The following FRYL variants were observed in gnomAD, a reference collection of about 807,000 sequenced individuals.
The protein encoded by FRYL is protein furry homolog-like.
Under a neutral mutation model 351.2 loss-of-function variants are expected in FRYL, and 150 were observed. That is an observed-to-expected ratio of 0.43 (90% confidence interval 0.37 to 0.49). The LOEUF is 0.49. FRYL is among the 20% of genes least tolerant of loss of function. The pLI, the probability that FRYL is intolerant of heterozygous loss-of-function variation, is 0.00. For synonymous variants in FRYL, 1,153 were observed against 1,257.1 expected, an observed-to-expected ratio of 0.92 and a Z score of 1.75; for missense variants, 3,036 against 3,619.3, an observed-to-expected ratio of 0.84 and a Z score of 4.13.
intron 48 of FRYL, 41 bp downstream of exon 48, chr4:48,535,612 CACAT>C (rs749316498): frequency 1.6e-5 from 20 of 1,213,974 alleles, no homozygotes; most frequent in Admixed American, 4.9e-5. Context: ...CACACACACA[CACAT>C]ATATATATAG....
intron 56 of FRYL, among the ~76,000 whole-genome samples, chr4:48,513,903 T>C (rs1455578779): frequency 6.6e-6 from 1 of 152,208 alleles, no homozygotes; most frequent in Admixed American, 6.5e-5. Context: ...GAAAGCCAAA[T>C]AGCTGAATAA....
intron 3 of FRYL, among the ~76,000 whole-genome samples, chr4:48,639,349 A>G (rs1235121431): frequency 1.3e-5 from 2 of 152,116 alleles, no homozygotes; most frequent in Non-Finnish European, 2.9e-5. Context: ...TAACTGATCA[A>G]TGGTATAGAA....
At chr4:48,663,668 G>A (rs1240312616) in intron 3 of FRYL, among the ~76,000 whole-genome samples, 2 of 151,056 alleles carry the variant, frequency 1.3e-5, no homozygotes, top group Non-Finnish European at 1.5e-5. Flanking sequence ...CCAGCTACTC[G>A]GGAGGCTGAG....
At chr4:48,751,815 T>A (rs1254169722) in intron 1 of FRYL, among the ~76,000 whole-genome samples, 1 of 150,112 alleles carries the variant, frequency 6.7e-6, no homozygotes, top group Non-Finnish European at 1.5e-5. Context: ...CCTTCCTCCC[T>A]TATGCCTTGC....
intron 19 of FRYL, among the ~76,000 whole-genome samples, chr4:48,583,615 A>T (rs1163527723): frequency 6.6e-6 from 1 of 152,126 alleles, no homozygotes; most frequent in Non-Finnish European, 1.5e-5. Flanking sequence ...GAAAAAAAAA[A>T]AATAAGGCTG....
chr4:48,601,066 T>A (rs1428891759), intron 13 of FRYL, among the ~76,000 whole-genome samples: 2 of 152,076 alleles, frequency 1.3e-5, no homozygotes, highest in Non-Finnish European at 2.9e-5. Flanking sequence ...CAGGATAACA[T>A]CCAGTGGATC....
At chr4:48,740,085 T>C (rs1312288073) in intron 1 of FRYL, among the ~76,000 whole-genome samples, 1 of 152,092 alleles carries the variant, frequency 6.6e-6, no homozygotes, top group Non-Finnish European at 1.5e-5. Flanking sequence ...TAGTTTCAGG[T>C]AATTTGTTAG....
chr4:48,766,982 T>C (rs1313964135), intron 1 of FRYL, among the ~76,000 whole-genome samples: 3 of 147,880 alleles, frequency 2.0e-5, no homozygotes, highest in African/African-American at 7.4e-5. Context: ...TCATAATATA[T>C]ATCTATATAT....
chr4:48,581,858 A>G (rs1242987778), intron 20 of FRYL, among the ~76,000 whole-genome samples: 1 of 152,146 alleles, frequency 6.6e-6, no homozygotes, highest in Non-Finnish European at 1.5e-5. Flanking sequence ...TGGAACTGAC[A>G]GTTGCTCTTC....
At chr4:48,751,141 G>T (rs1773213981) in intron 1 of FRYL, among the ~76,000 whole-genome samples, 1 of 152,048 alleles carries the variant, frequency 6.6e-6, no homozygotes, top group Non-Finnish European at 1.5e-5. Flanking sequence ...AATCCACACA[G>T]ATACTAAAAT....
At chr4:48,585,245 A>C (rs1003569284) in intron 19 of FRYL, among the ~76,000 whole-genome samples, 1 of 152,216 alleles carries the variant, frequency 6.6e-6, no homozygotes, top group African/African-American at 2.4e-5. Context: ...TCTACAATCT[A>C]ATTCACAAAA....
intron 7 of FRYL, among the ~76,000 whole-genome samples, chr4:48,610,903 T>TA (rs2149283213): frequency 6.6e-6 from 1 of 151,546 alleles, no homozygotes; most frequent in South Asian, 2.1e-4. Flanking sequence ...AGGAGCCCCC[T>TA]ATTAATGAAC....
chr4:48,605,358 G>A (rs1050546081), intron 11 of FRYL, among the ~76,000 whole-genome samples: 3 of 152,178 alleles, frequency 2.0e-5, no homozygotes, highest in Non-Finnish European at 4.4e-5. Context: ...TAGGTCACAA[G>A]TAAGTGAATT....
At position 48,609,051 on chromosome 4, in the gene FRYL, T is replaced by C; in HGVS notation, c.508A>G (p.Thr170Ala). The C allele has an allele frequency of 2.5e-6, 4 of 1,599,208 alleles. No homozygotes were observed. The highest frequency in any genetic ancestry group is 3.4e-6 in the Non-Finnish European group (4 of 1,167,384). Residue 170 changes from threonine (T) to alanine (A), a missense_variant, in exon 9 of 64, where the codon ACT becomes GCT. Physicochemically the swap from Thr to Ala is moderately conservative, Grantham distance 58 (BLOSUM62 0). Around this residue, in one of 7 missense-constraint regions of FRYL, gnomAD observed 457 missense variants for 566.6 expected, o/e 0.81. Transcript: ENST00000358350. Reference protein sequence around the residue: ...KHKEGYSGTNTGNVHIIADLY... With the variant: ...KHKEGYSGTNAGNVHIIADLY... ...TCAGCAATAATATGCACATTCCCAGTGTTGGTTCCTGAATATCTAAAATAA... is the reference window on the plus strand; with the variant it reads ...TCAGCAATAATATGCACATTCCCAGCGTTGGTTCCTGAATATCTAAAATAA...
At chr4:48,645,122 TTTTATATA>T (rs1756128976) in intron 3 of FRYL, among the ~76,000 whole-genome samples, 3 of 15,058 alleles carry the variant, frequency 2.0e-4, no homozygotes, top group Admixed American at 1.2e-3. Flanking sequence ...TGAGCTTTCA[TTTTATATA>T]TATATATATA....
At chr4:48,675,737 C>A (rs1224788169) in intron 3 of FRYL, among the ~76,000 whole-genome samples, 2 of 152,234 alleles carry the variant, frequency 1.3e-5, no homozygotes, top group Non-Finnish European at 2.9e-5. Context: ...GTGCACAGCA[C>A]GGGACTGGCA....
chr4:48,676,543 G>A (rs1335254990), intron 3 of FRYL, among the ~76,000 whole-genome samples: 5 of 150,690 alleles, frequency 3.3e-5, no homozygotes, highest in Non-Finnish European at 4.4e-5. Context: ...CACCAGGCCC[G>A]GCTATTTTTT....
chr4:48,606,328 G>C (rs562593576), intron 10 of FRYL, 110 bp downstream of exon 10: 7 of 639,214 alleles, frequency 1.1e-5, no homozygotes, highest in South Asian at 2.8e-5. Context: ...TGGAATAAGA[G>C]ACTAAAAATG....
At chr4:48,712,092 A>G (rs1295756598) in intron 1 of FRYL, among the ~76,000 whole-genome samples, 1 of 152,174 alleles carries the variant, frequency 6.6e-6, no homozygotes, top group South Asian at 2.1e-4. Context: ...AAAGACCAAA[A>G]GTAGATAAAA....
Sources: gnomAD v4.1 joint callset for allele counts (sites outside exome capture counted in the v4.1 genomes callset) on GRCh38, gnomAD v4.1.1 for gene constraint, gnomAD v4.1.1 regional missense constraint, MANE v1.5 for transcripts, NCBI Gene and HGNC (gene_info 2026-07-23, HGNC 2026-07-21) for gene names.